PCDHGA9: variants seen among roughly 807,000 people sequenced by gnomAD.
PCDHGA9 encodes protocadherin gamma-A9.
Under a neutral mutation model 62.5 loss-of-function variants are expected in PCDHGA9, and 37 were observed. The ratio of observed to expected loss-of-function variants is 0.59; its 90% CI spans 0.46 to 0.78. The LOEUF is 0.78. Among genes scored for constraint, PCDHGA9 ranks in the 30% least tolerant of loss-of-function variants. The pLI is 0.00. For synonymous variants in PCDHGA9, 459 were observed against 484.6 expected, an observed-to-expected ratio of 0.95 and a Z score of 0.69; for missense variants, 1,138 against 1,166.2, an observed-to-expected ratio of 0.98 and a Z score of 0.35.
Position 141,476,144 on chromosome 5 carries a change from C to T in PCDHGA9, c.2425-18663C>T. ...GGTCCCAGAGGCCTGGAGGAGCGGA[C>T]TGGTAAGCACCGGGAGGGTAGTGGG... is the stretch of plus-strand genomic sequence containing the variant. On this transcript the variant is annotated intron_variant, in intron 1 of 3. Transcript: ENST00000573521. This position sits in a 1 kb window ranked among gnomAD's most constrained non-coding sequence, Gnocchi z 7.6. 6.2e-7 allele frequency: 1 copy of T among 1,610,510 alleles called. No individual in the cohort carries two copies. The highest frequency in any genetic ancestry group is 1.3e-5 in the African/African-American group (1 of 75,014).
chr5:141,472,850 G>A (rs1230517294), intron 1 of PCDHGA9, among the ~76,000 whole-genome samples: 1 of 151,876 alleles, frequency 6.6e-6, no homozygotes, highest in Admixed American at 6.6e-5. Flanking sequence ...GCTGGGCATG[G>A]TGGCACATGC....
At chr5:141,452,954 T>A (rs1315313825) in intron 1 of PCDHGA9, among the ~76,000 whole-genome samples, 5 of 152,220 alleles carry the variant, frequency 3.3e-5, no homozygotes, top group Non-Finnish European at 1.5e-5. Context: ...ATTGGTTGTC[T>A]TTAAACTGAG....
At chr5:141,427,694 A>G in intron 1 of PCDHGA9, 2 of 913,934 alleles carry the variant, frequency 2.2e-6, no homozygotes, top group South Asian at 1.4e-5. Flanking sequence ...CCTCCATCCC[A>G]CAAGTCAGCG....
chr5:141,409,491 C>T (rs747701093), intron 1 of PCDHGA9: 3 of 1,613,994 alleles, frequency 1.9e-6, no homozygotes, highest in East Asian at 2.2e-5. Flanking sequence ...AGGGGCAAGC[C>T]GCCTCTTTCT....
intron 1 of PCDHGA9, chr5:141,413,323 G>A (rs1221252167): frequency 2.5e-6 from 4 of 1,613,840 alleles, no homozygotes; most frequent in Non-Finnish European, 3.4e-6. Flanking sequence ...CTCTTTCGTG[G>A]GCAACATCTC....
intron 1 of PCDHGA9, among the ~76,000 whole-genome samples, chr5:141,451,727 C>A (rs2098722766): frequency 6.6e-6 from 1 of 152,014 alleles, no homozygotes; most frequent in Admixed American, 6.6e-5. Flanking sequence ...ACTAAAAATA[C>A]AAAAATTAGC....
In PCDHGA9 at chr5:141,419,435, C is replaced by A. The variant is rs2096382649; in HGVS notation, c.2424+14059C>A. The A allele has an allele frequency of 2.5e-6, 4 of 1,613,108 alleles. No individual in the cohort carries two copies. In the African/African-American group the frequency reaches 4.0e-5, roughly 16 times the overall value. ...GCGCGCCTTCGACCACGAGCAGCTG[C>A]GCACCTTCGAGCTCACGCTGCAGGC... is the stretch of plus-strand genomic sequence containing the variant. On this transcript the variant is annotated intron_variant, in intron 1 of 3. Transcript: ENST00000573521.
intron 1 of PCDHGA9, among the ~76,000 whole-genome samples, chr5:141,482,592 C>T (rs187714622): frequency 1.0e-4 from 15 of 142,934 alleles, no homozygotes; most frequent in East Asian, 6.1e-4. Context: ...TGGGACCAAA[C>T]GGGAAAAAAC....
chr5:141,426,879 G>T, intron 1 of PCDHGA9: 1 of 456,710 alleles, frequency 2.2e-6, no homozygotes. Flanking sequence ...GAAGCCCCTG[G>T]GCCAGGAGCA....
intron 1 of PCDHGA9, among the ~76,000 whole-genome samples, chr5:141,479,979 T>C (rs67253891): frequency 0.061 from 9,352 of 152,266 alleles, 334 homozygotes; most frequent in South Asian, 0.12. Context: ...GTTCTACCAT[T>C]TACCAACTAG....
In PCDHGA9 at chr5:141,431,430, G is replaced by A; in HGVS notation, c.2424+26054G>A. ...GACGGGGGCGACCCGGTGCGCACAG[G>A]CACCGCGCGCATCCGCGTGATGGTT... is the stretch of plus-strand genomic sequence containing the variant. On this transcript the variant is annotated intron_variant, in intron 1 of 3. Coordinates refer to ENST00000573521, the MANE Select transcript of PCDHGA9 (RefSeq NM_018921.3). The surrounding 1 kb of genome is among the most constrained non-coding windows in gnomAD (Gnocchi z 4.8). 1 of 1,613,680 alleles carries A rather than the reference G, an allele frequency of 6.2e-7. No individual in the cohort carries two copies. The highest frequency in any genetic ancestry group is 8.5e-7 in the Non-Finnish European group (1 of 1,180,018).
At chr5:141,450,129 C>T (rs1211301953) in intron 1 of PCDHGA9, among the ~76,000 whole-genome samples, 1 of 151,472 alleles carries the variant, frequency 6.6e-6, no homozygotes, top group African/African-American at 2.4e-5. Context: ...GCCTTAGCCT[C>T]CTGAGTAGCT....
chr5:141,502,126 A>C (rs2154593060), intron 2 of PCDHGA9, among the ~76,000 whole-genome samples: 1 of 152,252 alleles, frequency 6.6e-6, no homozygotes, highest in South Asian at 2.1e-4. Flanking sequence ...AGGCCCACAG[A>C]GCTCAGTCGG....
At chr5:141,409,559 G>A (rs1421541308) in intron 1 of PCDHGA9, 1 of 1,613,936 alleles carries the variant, frequency 6.2e-7, no homozygotes, top group Admixed American at 1.7e-5. Context: ...CCCAGTTTTC[G>A]ACCAGACGTC....
chr5:141,494,074 C>A (rs2099751716), intron 1 of PCDHGA9, among the ~76,000 whole-genome samples: 1 of 152,180 alleles, frequency 6.6e-6, no homozygotes, highest in Non-Finnish European at 1.5e-5. Context: ...GGATCCCTCC[C>A]CGCTGCATCC....
In PCDHGA9 at chr5:141,489,483, T is replaced by C. The variant is rs2099687756; in HGVS notation, c.2425-5324T>C. ...GCTATTTTTCCCTGAGCTTGATGAGTGGTGCCCTGGCAGTGAATCAAAAGA... is the reference window on the plus strand; with the variant it reads ...GCTATTTTTCCCTGAGCTTGATGAGCGGTGCCCTGGCAGTGAATCAAAAGA... On this transcript the variant is annotated intron_variant, in intron 1 of 3. Coordinates refer to ENST00000573521, the MANE Select transcript of PCDHGA9 (RefSeq NM_018921.3). This position sits in a 1 kb window ranked among gnomAD's most constrained non-coding sequence, Gnocchi z 4.5. 1 of 1,613,862 alleles carries C rather than the reference T, an allele frequency of 6.2e-7. No individual in the cohort carries two copies. The highest frequency in any genetic ancestry group is 1.1e-5 in the South Asian group (1 of 91,078).
Position 141,476,075 on chromosome 5 carries a change from G to T in PCDHGA9, c.2425-18732G>T. ...TGAAAGTTTCTCAGCGAAATCTCAG[G>T]GACGATCTGGACCCCGCTGAGAGGA... On this transcript the variant is annotated intron_variant, in intron 1 of 3. Coordinates refer to ENST00000573521, the MANE Select transcript of PCDHGA9 (RefSeq NM_018921.3). This position sits in a 1 kb window ranked among gnomAD's most constrained non-coding sequence, Gnocchi z 7.6. The T allele has an allele frequency of 6.6e-7, 1 of 1,526,282 alleles. No homozygotes were observed. The highest frequency in any genetic ancestry group is 1.3e-5 in the South Asian group (1 of 78,462). The allele number at this position is 1,526,282 out of a possible 1,614,324, so 94.5% of individuals were successfully genotyped here.
chr5:141,499,932 C>A (rs1169727162), intron 2 of PCDHGA9, among the ~76,000 whole-genome samples: 1 of 152,076 alleles, frequency 6.6e-6, no homozygotes, highest in Non-Finnish European at 1.5e-5. Context: ...AAGTGATCCA[C>A]CCTCCTCGGC....
chr5:141,431,685 A>C lies in PCDHGA9; in HGVS notation c.2424+26309A>C. The C allele has an allele frequency of 6.2e-7, 1 of 1,614,246 alleles. No homozygotes were observed. Among genetic ancestry groups the C allele is most frequent in the East Asian group, 2.2e-5 (1 of 44,876 alleles). ...ATATCAACAATAGGGGAGTTGGACCACGAGGAGTCAGGATTCTACCAGATG... is the reference window on the plus strand; with the variant it reads ...ATATCAACAATAGGGGAGTTGGACCCCGAGGAGTCAGGATTCTACCAGATG... On this transcript the variant is annotated intron_variant, in intron 1 of 3. Transcript: ENST00000573521. This position sits in a 1 kb window ranked among gnomAD's most constrained non-coding sequence, Gnocchi z 4.8.
Sources: gnomAD v4.1 joint callset for allele counts (sites outside exome capture counted in the v4.1 genomes callset) on GRCh38, gnomAD v4.1.1 for gene constraint, Gnocchi (gnomAD v3.1) non-coding constraint, MANE v1.5 for transcripts, NCBI Gene and HGNC (gene_info 2026-07-23, HGNC 2026-07-21) for gene names.